The following VPS13D variants were observed in gnomAD, a reference collection of about 807,000 sequenced individuals.
VPS13D encodes vacuolar protein sorting 13 homolog D.
In VPS13D, 187 loss-of-function variants were observed where a neutral mutation model predicts 461.9. The observed-to-expected ratio is 0.40, with a 90% CI of 0.36 to 0.46. The LOEUF is 0.46. Among genes scored for constraint, VPS13D ranks in the 20% least tolerant of loss-of-function variants. The pLI, the probability that VPS13D is intolerant of heterozygous loss-of-function variation, is 0.60. For synonymous variants in VPS13D, 1,951 were observed against 1,986.3 expected, an observed-to-expected ratio of 0.98 and a Z score of 0.47; for missense variants, 4,711 against 5,364.9, an observed-to-expected ratio of 0.88 and a Z score of 3.81.
In VPS13D at chr1:12,505,190, G is replaced by T. The variant is rs964227306; in HGVS notation, c.12795-1663G>T. 6.6e-6 allele frequency among the ~76,000 whole-genome samples: 1 copy of T among 152,180 alleles called. No individual in the cohort carries two copies. The highest frequency in any genetic ancestry group is 2.4e-5 in the African/African-American group (1 of 41,436). ...CAGATCCCCGCCAGTTCTGGCTGGC[G>T]CTGTGTCACCTCTTCTCTGTGTCAG... is the stretch of plus-strand genomic sequence containing the variant. On this transcript the variant is annotated intron_variant, in intron 68 of 69. Transcript: ENST00000620676. This position sits in a 1 kb window ranked among gnomAD's most constrained non-coding sequence, Gnocchi z 4.2.
chr1:12,426,246 G>A (rs921833939), intron 65 of VPS13D, among the ~76,000 whole-genome samples: 1 of 152,160 alleles, frequency 6.6e-6, no homozygotes, highest in African/African-American at 2.4e-5. Context: ...CAGTCCCCAG[G>A]CCTTTCCTCC....
intron 65 of VPS13D, among the ~76,000 whole-genome samples, chr1:12,432,602 C>G (rs934030431): frequency 6.6e-6 from 1 of 151,368 alleles, no homozygotes; most frequent in African/African-American, 2.4e-5. Flanking sequence ...TTTTCTGAAT[C>G]CTTTCCCTTT....
intron 65 of VPS13D, among the ~76,000 whole-genome samples, chr1:12,455,738 G>A (rs1194465304): frequency 6.6e-6 from 1 of 152,096 alleles, no homozygotes; most frequent in Non-Finnish European, 1.5e-5. Flanking sequence ...GACCAACATG[G>A]TGAAACCCCA....
At chr1:12,286,897 A>G (rs761785896) in intron 21 of VPS13D, among the ~76,000 whole-genome samples, 7 of 152,118 alleles carry the variant, frequency 4.6e-5, no homozygotes, top group African/African-American at 9.7e-5. Flanking sequence ...GTCTTGCCCT[A>G]TCACCCAGGC....
At chr1:12,257,914 C>T in intron 9 of VPS13D, 21 bp from the exon 10 acceptor site, 1 of 1,613,310 alleles carries the variant, frequency 6.2e-7, no homozygotes, top group African/African-American at 1.3e-5. Context: ...GAAGTGATTA[C>T]ATCGTTATGG....
At chr1:12,243,132 T>G (rs1002705116) in intron 3 of VPS13D, among the ~76,000 whole-genome samples, 3 of 152,016 alleles carry the variant, frequency 2.0e-5, no homozygotes. Flanking sequence ...TTTTTGTATT[T>G]TTAGTAGAGA....
chr1:12,303,284 T>G (rs1344253286), intron 25 of VPS13D, among the ~76,000 whole-genome samples: 1 of 152,210 alleles, frequency 6.6e-6, no homozygotes, highest in Non-Finnish European at 1.5e-5. Flanking sequence ...AGTACAAGAT[T>G]GAGTTTTTTT....
chr1:12,451,746 G>A (rs941383020), intron 65 of VPS13D, among the ~76,000 whole-genome samples: 2 of 152,232 alleles, frequency 1.3e-5, no homozygotes, highest in Non-Finnish European at 2.9e-5. Flanking sequence ...GGGGGGATAT[G>A]CCATGCCAGA....
intron 68 of VPS13D, among the ~76,000 whole-genome samples, chr1:12,501,798 G>A (rs180860384): frequency 9.8e-5 from 15 of 152,334 alleles, no homozygotes; most frequent in Admixed American, 2.0e-4. Flanking sequence ...CCACAGATGG[G>A]AAGTGATTAA....
intron 67 of VPS13D, among the ~76,000 whole-genome samples, chr1:12,461,496 C>A (rs1450498343): frequency 1.3e-5 from 2 of 152,170 alleles, no homozygotes; most frequent in South Asian, 2.1e-4. Context: ...AAGTTACATT[C>A]TATTCTCAGA....
intron 2 of VPS13D, among the ~76,000 whole-genome samples, chr1:12,241,846 G>A (rs1187206963): frequency 1.3e-5 from 2 of 152,062 alleles, no homozygotes; most frequent in Non-Finnish European, 2.9e-5. Context: ...AGGGGTTGGG[G>A]GTGGAAGGAA....
intron 62 of VPS13D, 50 bp from the exon 63 acceptor site, chr1:12,403,775 A>G: frequency 6.6e-7 from 1 of 1,511,314 alleles, no homozygotes; most frequent in Non-Finnish European, 8.9e-7. Flanking sequence ...TCTGTGGATC[A>G]TGAGACTAAG....
intron 52 of VPS13D, among the ~76,000 whole-genome samples, chr1:12,365,853 GTATGA>G (rs1420833958): frequency 2.0e-5 from 3 of 152,140 alleles, no homozygotes; most frequent in Non-Finnish European, 2.9e-5. Flanking sequence ...AGGAACAGAA[GTATGA>G]TAATTTAACA....
At chr1:12,408,673 G>C (rs1430573210) in intron 63 of VPS13D, among the ~76,000 whole-genome samples, 1 of 152,170 alleles carries the variant, frequency 6.6e-6, no homozygotes, top group Non-Finnish European at 1.5e-5. Flanking sequence ...CTCAACTTGA[G>C]GTTGCTATTA....
In VPS13D at chr1:12,244,660, A is replaced by T. The variant is rs777503126; in HGVS notation, c.447+43A>T. 9 of 1,564,068 alleles carry T rather than the reference A, an allele frequency of 5.8e-6. No individual in the cohort carries two copies. In the African/African-American group the frequency reaches 1.2e-4, roughly 21 times the overall value. On this transcript the variant is annotated intron_variant, in intron 5 of 69. Coordinates refer to ENST00000620676, the MANE Select transcript of VPS13D (RefSeq NM_015378.4). ...TTATAAAAGTATCAACGTGAAAGGG[A>T]TTTCTCAGGTTTAAACGTGTTTCTC...
chr1:12,507,890 C>G lies in VPS13D; in HGVS notation c.13035+797C>G, dbSNP rs780364186. Reference sequence around the variant, plus strand: ...GGTGTTAGTCCTGCTCATTCTCACCCGGCATACCCGGATTTTGAAGCTTGC... The same window carrying G: ...GGTGTTAGTCCTGCTCATTCTCACCGGGCATACCCGGATTTTGAAGCTTGC... On this transcript the variant is annotated intron_variant, in intron 69 of 69. Transcript: ENST00000620676. This position sits in a 1 kb window ranked among gnomAD's most constrained non-coding sequence, Gnocchi z 5.3. Among the ~76,000 whole-genome samples the G allele has an allele frequency of 6.6e-6, 1 of 152,252 alleles. No homozygotes were observed. The highest frequency in any genetic ancestry group is 1.5e-5 in the Non-Finnish European group (1 of 68,054).
At chr1:12,291,478 C>T (rs1642130368) in intron 23 of VPS13D, among the ~76,000 whole-genome samples, 1 of 152,120 alleles carries the variant, frequency 6.6e-6, no homozygotes, top group Non-Finnish European at 1.5e-5. Flanking sequence ...AAAAAGCCGT[C>T]TGTGTGTGGT....
chr1:12,272,045 A>G (rs1641457936), intron 17 of VPS13D, among the ~76,000 whole-genome samples: 1 of 152,196 alleles, frequency 6.6e-6, no homozygotes, highest in African/African-American at 2.4e-5. Context: ...TAAAAAAATT[A>G]GCTGGGCCTG....
At chr1:12,403,161 T>G (rs1438417562) in intron 62 of VPS13D, among the ~76,000 whole-genome samples, 3 of 152,254 alleles carry the variant, frequency 2.0e-5, no homozygotes, top group African/African-American at 7.2e-5. Flanking sequence ...AGGCAAAATA[T>G]GCTGCCCAGT....
Sources: gnomAD v4.1 joint callset for allele counts (sites outside exome capture counted in the v4.1 genomes callset) on GRCh38, gnomAD v4.1.1 for gene constraint, Gnocchi (gnomAD v3.1) non-coding constraint, MANE v1.5 for transcripts, NCBI Gene and HGNC (gene_info 2026-07-23, HGNC 2026-07-21) for gene names.